Variants in EPHA5 observed in about 807,000 individuals in gnomAD.
EPHA5 encodes EPH receptor A5.
A neutral mutation model predicts 105.0 loss-of-function variants in EPHA5; 60 were observed. That is an observed-to-expected ratio of 0.57 (90% CI 0.46 to 0.71). The LOEUF is 0.71. EPHA5 is among the 30% of genes least tolerant of loss of function. The probability of loss-of-function intolerance (pLI) is 0.00; values close to 1 mark genes in which losing one functional copy is unlikely to be tolerated. For missense variants in EPHA5, 1,218 were observed against 1,274.7 expected (o/e 0.96, Z 0.68); for synonymous variants, 513 against 449.1 (o/e 1.14, Z -1.80).
chr4:65,406,434 T>C (rs1286912528), intron 7 of EPHA5, among the ~76,000 whole-genome samples: 2 of 152,140 alleles, frequency 1.3e-5, no homozygotes, highest in Admixed American at 6.6e-5. Flanking sequence ...TCTTGGTTTC[T>C]ATGGCATCAG....
chr4:65,558,815 G>T (rs1393717365), intron 3 of EPHA5, among the ~76,000 whole-genome samples: 5 of 151,990 alleles, frequency 3.3e-5, no homozygotes. Context: ...TTTCTGCTTG[G>T]GGACCTGGCA....
intron 5 of EPHA5, among the ~76,000 whole-genome samples, chr4:65,452,524 G>A (rs114440545): frequency 2.3e-3 from 353 of 151,660 alleles, no homozygotes; most frequent in African/African-American, 8.1e-3. Flanking sequence ...AACTTGTGAT[G>A]GAGACTGATT....
At chr4:65,573,287 T>C (rs1221517181) in intron 3 of EPHA5, among the ~76,000 whole-genome samples, 1 of 151,258 alleles carries the variant, frequency 6.6e-6, no homozygotes, top group Non-Finnish European at 1.5e-5. Context: ...GGCAGGTGCC[T>C]GTGGTCCCAG....
chr4:65,469,546 C>T (rs1027135275), intron 5 of EPHA5, among the ~76,000 whole-genome samples: 1 of 151,978 alleles, frequency 6.6e-6, no homozygotes, highest in African/African-American at 2.4e-5. Context: ...GCTGAGACAC[C>T]TTTAGCATCT....
chr4:65,463,940 A>G (rs977461044), intron 5 of EPHA5, among the ~76,000 whole-genome samples: 5 of 151,982 alleles, frequency 3.3e-5, no homozygotes, highest in African/African-American at 9.7e-5. Context: ...GACTCTTAAA[A>G]TCTATCTAAA....
chr4:65,490,644 G>A lies in EPHA5; in HGVS notation c.1135C>T (p.Pro379Ser), dbSNP rs1731316042. ...TTCCTTCCACCAGTGTCAGCAGGCG[G>A]AATCCATTCCAGAAAGACACTAGTT... ...NETSVFLEWI[P>S]PADTGGRKDV... Residue 379 changes from proline (P) to serine (S), a missense_variant, in exon 5 of 17, where the codon CCG becomes TCG. Physicochemically the swap from Pro to Ser is moderately conservative, Grantham distance 74. Transcript: ENST00000613740. 6.2e-7 allele frequency: 1 copy of A among 1,613,960 alleles called. No homozygotes were observed. Among genetic ancestry groups the A allele is most frequent in the African/African-American group, 1.3e-5 (1 of 74,898 alleles).
chr4:65,467,651 G>A (rs190793520), intron 5 of EPHA5, among the ~76,000 whole-genome samples: 34 of 152,270 alleles, frequency 2.2e-4, no homozygotes, highest in Admixed American at 1.8e-3. Flanking sequence ...CTTCCACAGA[G>A]CCATTGTTGT....
At chr4:65,488,865 C>T (rs1049182035) in intron 5 of EPHA5, among the ~76,000 whole-genome samples, 2 of 149,296 alleles carry the variant, frequency 1.3e-5, no homozygotes, top group Non-Finnish European at 1.5e-5. Context: ...CAACTATCAA[C>T]TCTGAACTCA....
chr4:65,332,145 A>G lies in EPHA5; in HGVS notation c.2790-17T>C. The G allele has an allele frequency of 6.5e-7, 1 of 1,549,304 alleles. No homozygotes were observed. Among genetic ancestry groups the G allele is most frequent in the Non-Finnish European group, 8.7e-7 (1 of 1,150,566 alleles). On this transcript the variant is annotated splice_polypyrimidine_tract_variant and intron_variant, in intron 15 of 16. Coordinates refer to ENST00000613740, the MANE Select transcript of EPHA5 (RefSeq NM_001281766.3). ...TTAGATACTCTAAAACACATAAAAC[A>G]TAAATATTAAAAGTTACAATTTAAT... is the stretch of plus-strand genomic sequence containing the variant.
intron 3 of EPHA5, among the ~76,000 whole-genome samples, chr4:65,535,479 A>G (rs1043990512): frequency 6.6e-5 from 10 of 152,148 alleles, no homozygotes; most frequent in Admixed American, 2.0e-4. Flanking sequence ...AAATGCAGAT[A>G]AATTCACTTT....
At chr4:65,345,734 T>C (rs1722152246) in intron 14 of EPHA5, among the ~76,000 whole-genome samples, 1 of 152,198 alleles carries the variant, frequency 6.6e-6, no homozygotes, top group South Asian at 2.1e-4. Context: ...ATCAATATCC[T>C]CACATTAGGA....
chr4:65,540,233 G>C (rs1352020692), intron 3 of EPHA5, among the ~76,000 whole-genome samples: 1 of 151,494 alleles, frequency 6.6e-6, no homozygotes, highest in Non-Finnish European at 1.5e-5. Flanking sequence ...ATACTATTTT[G>C]AAAAGTAATA....
chr4:65,514,572 C>T (rs1023390336), intron 3 of EPHA5, among the ~76,000 whole-genome samples: 3 of 152,136 alleles, frequency 2.0e-5, no homozygotes, highest in African/African-American at 7.2e-5. Flanking sequence ...CAGCTGACAC[C>T]TTGTGGAACA....
chr4:65,551,660 G>T (rs1191482022), intron 3 of EPHA5, among the ~76,000 whole-genome samples: 1 of 151,958 alleles, frequency 6.6e-6, no homozygotes, highest in African/African-American at 2.4e-5. Flanking sequence ...ACCTTAATAT[G>T]CTTGAAAATT....
chr4:65,515,241 C>A (rs1733993285), intron 3 of EPHA5, among the ~76,000 whole-genome samples: 1 of 152,046 alleles, frequency 6.6e-6, no homozygotes, highest in African/African-American at 2.4e-5. Flanking sequence ...TAGCTTTAAA[C>A]AAATCTTGTA....
chr4:65,431,684 T>A lies in EPHA5; in HGVS notation c.1403-11119A>T, dbSNP rs1011566118. 3.3e-5 allele frequency among the ~76,000 whole-genome samples: 5 copies of A among 152,136 alleles called. No homozygotes were observed. In the East Asian group the frequency reaches 9.6e-4, roughly 29 times the overall value. ...TTATCGCAATCAACAATTCCACGTG[T>A]CCTGGCCAGTGACCATACAGCTGGG... On this transcript the variant is annotated intron_variant, in intron 5 of 16. Transcript: ENST00000613740.
chr4:65,632,837 T>C (rs929380342), intron 2 of EPHA5, among the ~76,000 whole-genome samples: 1 of 152,076 alleles, frequency 6.6e-6, no homozygotes, highest in African/African-American at 2.4e-5. Context: ...GGTTTCATGT[T>C]GTATAACTTG....
At chr4:65,627,683 C>A (rs1165414124) in intron 2 of EPHA5, among the ~76,000 whole-genome samples, 1 of 152,102 alleles carries the variant, frequency 6.6e-6, no homozygotes. Flanking sequence ...CCTTGTTACT[C>A]TTTTAGAAAA....
chr4:65,565,479 AGGC>A (rs1560704544), intron 3 of EPHA5, among the ~76,000 whole-genome samples: 1 of 151,718 alleles, frequency 6.6e-6, no homozygotes, highest in Non-Finnish European at 1.5e-5. Flanking sequence ...ATTTCCAATA[AGGC>A]TTAAAGTAAT....
Sources: gnomAD v4.1 joint callset for allele counts (sites outside exome capture counted in the v4.1 genomes callset) on GRCh38, gnomAD v4.1.1 for gene constraint, MANE v1.5 for transcripts, NCBI Gene and HGNC (gene_info 2026-07-23, HGNC 2026-07-21) for gene names.